Variants in SLC44A1 observed in about 807,000 individuals in gnomAD.
SLC44A1 encodes the protein choline transporter-like protein 1.
A neutral mutation model predicts 79.3 loss-of-function variants in SLC44A1; 26 were observed. That is an observed-to-expected ratio of 0.33 (90% CI 0.24 to 0.46). SLC44A1 has a LOEUF of 0.46. Among genes scored for constraint, SLC44A1 ranks in the 20% least tolerant of loss-of-function variants. The pLI, the probability that SLC44A1 is intolerant of heterozygous loss-of-function variation, is 1.00. For synonymous variants in SLC44A1, 263 were observed against 286.2 expected (o/e 0.92, Z 0.82); for missense variants, 688 against 798.1 (o/e 0.86, Z 1.66).
chr9:105,307,217 G>A lies in SLC44A1; in HGVS notation c.127-2507G>A, dbSNP rs1831055845. ...GGTATTACTCTGTATTAGAGATGAG[G>A]AGGGAACAGAGTCTAAGTATGTAAT... On this transcript the variant is annotated intron_variant, in intron 2 of 15. Transcript: ENST00000374720. 3.3e-5 allele frequency among the ~76,000 whole-genome samples: 5 copies of A among 152,328 alleles called. No individual in the cohort carries two copies. The South Asian group carries it at 1.0e-3, about 32-fold the overall frequency.
chr9:105,264,296 G>A lies in SLC44A1; in HGVS notation c.36+19392G>A, dbSNP rs187962416. 2.1e-3 allele frequency among the ~76,000 whole-genome samples: 323 copies of A among 151,998 alleles called. 2 individuals carry two copies. Among genetic ancestry groups the A allele is most frequent in the African/African-American group, 7.6e-3 (315 of 41,478 alleles). ...CTCCCACCTCAGCCTCCTGAATAGCGGGGACCACAGATTTGCACCACCACG... is the reference window on the plus strand; with the variant it reads ...CTCCCACCTCAGCCTCCTGAATAGCAGGGACCACAGATTTGCACCACCACG... On this transcript the variant is annotated intron_variant, in intron 1 of 15. Coordinates refer to ENST00000374720, the MANE Select transcript of SLC44A1 (RefSeq NM_080546.5).
At chr9:105,374,795 T>G in intron 13 of SLC44A1, 60 bp downstream of exon 13, 2 of 1,381,322 alleles carry the variant, frequency 1.4e-6, no homozygotes, top group Non-Finnish European at 2.0e-6. Context: ...TTATTTGCTC[T>G]TTTATTTTAA....
chr9:105,422,081 C>CAATAAGGAAGT (rs1481019319), intron 15 of SLC44A1, among the ~76,000 whole-genome samples: 3 of 152,106 alleles, frequency 2.0e-5, no homozygotes, highest in Non-Finnish European at 2.9e-5. Context: ...TGAGTGATGA[C>CAATAAGGAAGT]AATAAGGAAG....
intron 3 of SLC44A1, among the ~76,000 whole-genome samples, chr9:105,333,966 T>G (rs1339943534): frequency 6.6e-6 from 1 of 152,160 alleles, no homozygotes; most frequent in Admixed American, 6.5e-5. Context: ...GAATCTGTCT[T>G]TGTGCAATTC....
intron 4 of SLC44A1, among the ~76,000 whole-genome samples, chr9:105,337,774 T>C (rs781292076): frequency 2.0e-5 from 3 of 152,194 alleles, no homozygotes; most frequent in Admixed American, 1.3e-4. Context: ...TAGGTCCTTA[T>C]TGGCGGTGTG....
intron 4 of SLC44A1, among the ~76,000 whole-genome samples, chr9:105,345,525 A>T (rs1341081848): frequency 6.6e-6 from 1 of 152,204 alleles, no homozygotes; most frequent in Non-Finnish European, 1.5e-5. Context: ...GGGGCAAAGA[A>T]TTCCACTTCT....
At position 105,361,207 on chromosome 9, in the gene SLC44A1, A is replaced by C; in HGVS notation, c.777A>C (p.Leu259=). ...ILGSLGGTGV[L]WWLYAKQRRS... The stretch of plus-strand genomic sequence containing the variant: ...TGTCTCCAGGAGGCACAGGTGTACT[A>C]TGGTGGCTGTATGCAAAGCAAAGAA... The change falls in exon 8 of 16, where the codon CTA becomes CTC. Residue 259 remains leucine, a synonymous_variant. Transcript: ENST00000374720. The C allele has an allele frequency of 6.2e-7, 1 of 1,614,110 alleles. No individual in the cohort carries two copies.
intron 1 of SLC44A1, among the ~76,000 whole-genome samples, chr9:105,295,764 G>T (rs751355314): frequency 6.6e-6 from 1 of 152,154 alleles, no homozygotes; most frequent in Non-Finnish European, 1.5e-5. Context: ...CGGGGAGTGG[G>T]GGGGAGGGCG....
chr9:105,353,349 C>T (rs1198523215), intron 5 of SLC44A1, among the ~76,000 whole-genome samples: 5 of 152,038 alleles, frequency 3.3e-5, no homozygotes, highest in Non-Finnish European at 7.4e-5. Flanking sequence ...GCATTTCCTC[C>T]TAAATAAAAA....
intron 15 of SLC44A1, among the ~76,000 whole-genome samples, chr9:105,387,060 A>AAAAAAAAAATATAT (rs34780893): frequency 1.3e-4 from 1 of 7,714 alleles, no homozygotes; most frequent in African/African-American, 4.1e-4. Context: ...AAAAAAAAAA[A>AAAAAAAAAATATAT]ATATATATAT....
intron 2 of SLC44A1, among the ~76,000 whole-genome samples, chr9:105,308,835 C>T (rs979423593): frequency 1.3e-4 from 20 of 152,202 alleles, no homozygotes; most frequent in Non-Finnish European, 2.8e-4. Flanking sequence ...CCCACCAATA[C>T]AATCAATTTA....
Position 105,390,537 on chromosome 9 carries a change from G to A in SLC44A1, c.*1481G>A, listed in dbSNP as rs537063492. On this transcript the variant is annotated 3_prime_UTR_variant, in exon 16 of 16. Transcript: ENST00000374720. Reference sequence around the variant, plus strand: ...CCAGAACTAGACAGTGAATTAGATCGGTATTATGGAAATGCATACAAGTAA... The same window carrying A: ...CCAGAACTAGACAGTGAATTAGATCAGTATTATGGAAATGCATACAAGTAA... The A allele has an allele frequency of 3.5e-5, 34 of 985,032 alleles. No homozygotes were observed. The South Asian group carries it at 1.1e-3, about 31-fold the overall frequency. 61.0% of individuals were successfully genotyped at this position (985,032 alleles called of 1,614,324 possible). A position where few individuals can be genotyped will look rare whatever the true frequency, so the allele number is the denominator to read the frequency against.
chr9:105,297,924 C>G (rs1054051981), intron 1 of SLC44A1, among the ~76,000 whole-genome samples: 9 of 152,126 alleles, frequency 5.9e-5, no homozygotes, highest in Non-Finnish European at 1.2e-4. Flanking sequence ...TGAACCTTCT[C>G]AGAGGAACCT....
chr9:105,298,695 T>C (rs1377038863), intron 1 of SLC44A1, among the ~76,000 whole-genome samples: 3 of 152,160 alleles, frequency 2.0e-5, no homozygotes, highest in African/African-American at 7.2e-5. Flanking sequence ...GAAGAGAACA[T>C]ATATATAAAC....
At chr9:105,295,796 G>A (rs1358908059) in intron 1 of SLC44A1, among the ~76,000 whole-genome samples, 2 of 152,180 alleles carry the variant, frequency 1.3e-5, no homozygotes, top group Non-Finnish European at 2.9e-5. Flanking sequence ...TTGTGCAGGT[G>A]TGAAACCTTA....
chr9:105,337,193 C>G (rs1826950343), intron 4 of SLC44A1, among the ~76,000 whole-genome samples: 1 of 152,072 alleles, frequency 6.6e-6, no homozygotes, highest in Non-Finnish European at 1.5e-5. Flanking sequence ...TGAGTATACT[C>G]TGACAAGTGG....
At chr9:105,289,320 AG>A (rs2131269122) in intron 1 of SLC44A1, among the ~76,000 whole-genome samples, 1 of 152,368 alleles carries the variant, frequency 6.6e-6, no homozygotes, top group African/African-American at 2.4e-5. Context: ...GCAACCATTT[AG>A]GGGAAGCTTC....
chr9:105,246,834 G>C (rs968287725), intron 1 of SLC44A1, among the ~76,000 whole-genome samples: 3 of 152,190 alleles, frequency 2.0e-5, no homozygotes, highest in Non-Finnish European at 4.4e-5. Flanking sequence ...CCGATAGTGG[G>C]TCTTGCATTT....
intron 5 of SLC44A1, among the ~76,000 whole-genome samples, chr9:105,350,565 G>C (rs1335841908): frequency 6.6e-6 from 1 of 152,028 alleles, no homozygotes; most frequent in African/African-American, 2.4e-5. Context: ...CATCTCTTTT[G>C]GTGTCCTTCT....
Sources: gnomAD v4.1 joint callset for allele counts (sites outside exome capture counted in the v4.1 genomes callset) on GRCh38, gnomAD v4.1.1 for gene constraint, MANE v1.5 for transcripts, NCBI Gene and HGNC (gene_info 2026-07-23, HGNC 2026-07-21) for gene names.